Variants in ENO1 observed in about 807,000 individuals in gnomAD.
ENO1 encodes the protein alpha-enolase.
ENO1 carries 33 observed loss-of-function variants against 46.3 expected under a neutral mutation model. The observed-to-expected ratio is 0.71, with a 90% CI of 0.54 to 0.95. The LOEUF (loss-of-function observed/expected upper bound fraction) is 0.95. Ranked by LOEUF, ENO1 falls within the 40% of genes least tolerant of loss-of-function variation. The pLI, the probability that ENO1 is intolerant of heterozygous loss-of-function variation, is 0.00. For synonymous variants in ENO1, 220 were observed against 216.0 expected (o/e 1.02, Z -0.16); for missense variants, 488 against 553.3 (o/e 0.88, Z 1.18).
At chr1:8,862,837 G>A (rs1421466471) in intron 11 of ENO1, 50 bp downstream of exon 11, 7 of 1,599,864 alleles carry the variant, frequency 4.4e-6, no homozygotes, top group Non-Finnish European at 5.1e-6. Context: ...CTGAGTGCAG[G>A]CCCCCACCTA....
At chr1:8,865,221 T>C in intron 8 of ENO1, 64 bp downstream of exon 8, 1 of 1,585,546 alleles carries the variant, frequency 6.3e-7, no homozygotes, top group Non-Finnish European at 8.6e-7. Context: ...GCCAGCCAGA[T>C]GCTCCAGCTG....
chr1:8,876,708 G>A (rs1489649673), intron 1 of ENO1, among the ~76,000 whole-genome samples: 1 of 151,734 alleles, frequency 6.6e-6, no homozygotes. Context: ...TGAGGCAGAA[G>A]AATGGTGTGA....
chr1:8,861,529 C>T, intron 11 of ENO1, 100 bp from the exon 12 acceptor site: 1 of 1,220,698 alleles, frequency 8.2e-7, no homozygotes, highest in Non-Finnish European at 1.2e-6. Context: ...GACACAGCCC[C>T]ACTCCTGGGA....
chr1:8,875,430 A>G (rs992280643), intron 1 of ENO1, among the ~76,000 whole-genome samples: 1 of 152,186 alleles, frequency 6.6e-6, no homozygotes, highest in Non-Finnish European at 1.5e-5. Context: ...GAAACTGGCT[A>G]TTGTCATGAG....
intron 11 of ENO1, among the ~76,000 whole-genome samples, chr1:8,862,566 C>A (rs923601100): frequency 4.6e-5 from 7 of 152,172 alleles, no homozygotes; most frequent in African/African-American, 1.7e-4. Context: ...TGAAACAGAT[C>A]ATATGAAGGA....
chr1:8,877,941 T>C (rs1389631083), intron 1 of ENO1: 4 of 152,074 alleles, frequency 2.6e-5, no homozygotes, highest in Non-Finnish European at 5.9e-5. Context: ...GAGCCGCTCT[T>C]GCCCAACTTG....
At chr1:8,874,391 A>G (rs953270983) in intron 2 of ENO1, among the ~76,000 whole-genome samples, 2 of 151,964 alleles carry the variant, frequency 1.3e-5, no homozygotes, top group Non-Finnish European at 2.9e-5. Flanking sequence ...AGCCTGACCA[A>G]TATGGTGAAA....
At chr1:8,873,674 C>T (rs917683650) in intron 2 of ENO1, 1 of 152,232 alleles carries the variant, frequency 6.6e-6, no homozygotes, top group Non-Finnish European at 1.5e-5. Context: ...TTCTTTTGCC[C>T]AACGAAGTCA....
At chr1:8,862,624 TC>T (rs1642428991) in intron 11 of ENO1, among the ~76,000 whole-genome samples, 1 of 151,992 alleles carries the variant, frequency 6.6e-6, no homozygotes, top group African/African-American at 2.4e-5. Flanking sequence ...TCAAAGGGGG[TC>T]CCATTCTTTC....
At chr1:8,863,175 GT>G in intron 10 of ENO1, 59 bp downstream of exon 10, 2 of 1,584,832 alleles carry the variant, frequency 1.3e-6, no homozygotes, top group Non-Finnish European at 1.7e-6. Context: ...AGCCTCACTG[GT>G]TTTGGGTCTT....
chr1:8,866,881 T>TC (rs991992769), intron 6 of ENO1, among the ~76,000 whole-genome samples: 17 of 152,176 alleles, frequency 1.1e-4, no homozygotes, highest in Admixed American at 1.0e-3. Context: ...CAGGTAATGC[T>TC]CACAGCCTAG....
chr1:8,865,575 G>C (rs1642494330), intron 7 of ENO1, 93 bp from the exon 8 acceptor site: 3 of 1,258,720 alleles, frequency 2.4e-6, no homozygotes, highest in Middle Eastern at 2.7e-4. Context: ...GTAACACAAA[G>C]ATCAACAGGT....
intron 7 of ENO1, 64 bp downstream of exon 7, chr1:8,866,215 C>A (rs982450022): frequency 4.8e-6 from 7 of 1,445,282 alleles, no homozygotes; most frequent in Non-Finnish European, 5.7e-6. Flanking sequence ...GTGTGGACGA[C>A]CCCCCAACAG....
In ENO1 at chr1:8,867,752, G is replaced by A. The variant is rs12045970; in HGVS notation, c.310+236C>T. 7.9e-4 allele frequency among the ~76,000 whole-genome samples: 120 copies of A among 152,058 alleles called. No individual in the cohort carries two copies. The East Asian group carries it at 0.013, about 16-fold the overall frequency. ...TCACCACGTTGGCCAGGATGGTCTC[G>A]ATCTCCTGACCTCGTGATCCACCTG... On this transcript the variant is annotated intron_variant, in intron 5 of 11. Coordinates refer to ENST00000234590, the MANE Select transcript of ENO1 (RefSeq NM_001428.5).
chr1:8,863,419 G>T, intron 9 of ENO1, 76 bp from the exon 10 acceptor site: 1 of 1,416,714 alleles, frequency 7.1e-7, no homozygotes. Context: ...TTACCCCTCG[G>T]TGCCAGCAGG....
In ENO1 at chr1:8,871,944, A is replaced by G; in HGVS notation, c.128T>C (p.Ile43Thr). 1 of 1,614,190 alleles carries G rather than the reference A, an allele frequency of 6.2e-7. No homozygotes were observed. Among genetic ancestry groups the G allele is most frequent in the Non-Finnish European group, 8.5e-7 (1 of 1,180,024 alleles). The change falls in exon 3 of 12, where the codon ATC (isoleucine) becomes ACC (threonine). Residue 43 changes from isoleucine (I) to threonine (T), a missense_variant. Physicochemically the swap from Ile to Thr is moderately conservative, Grantham distance 89. Transcript: ENST00000234590. ...GTCCCGGAGCTCTAGGGCCTCATAG[A>G]TACCAGTTGAAGCACCACTGGGCAC... Reference protein sequence around the residue: ...AAVPSGASTGIYEALELRDND... With the variant: ...AAVPSGASTGTYEALELRDND...
intron 6 of ENO1, 143 bp from the exon 7 acceptor site, chr1:8,866,644 G>T: frequency 1.3e-6 from 1 of 777,166 alleles, no homozygotes. Context: ...GGGCCAGGGT[G>T]CTGTGAAATG....
intron 3 of ENO1, chr1:8,871,439 T>C (rs1311361797): frequency 2.8e-5 from 28 of 998,138 alleles, no homozygotes; most frequent in East Asian, 2.1e-4. Flanking sequence ...TCACACTAAA[T>C]GACACACCTG....
At chr1:8,874,577 C>CAAAAAAAAAAAAAAAA (rs140269736) in intron 2 of ENO1, among the ~76,000 whole-genome samples, 8 of 51,598 alleles carry the variant, frequency 1.6e-4, no homozygotes, top group African/African-American at 2.8e-4. Context: ...GACTCCATCT[C>CAAAAAAAAAAAAAAAA]AAAAAAAAAA....
Sources: gnomAD v4.1 joint callset for allele counts (sites outside exome capture counted in the v4.1 genomes callset) on GRCh38, gnomAD v4.1.1 for gene constraint, MANE v1.5 for transcripts, NCBI Gene and HGNC (gene_info 2026-07-23, HGNC 2026-07-21) for gene names.